The following DRAM2 variants were observed in gnomAD, a reference collection of about 807,000 sequenced individuals.
DRAM2 encodes the protein DNA damage-regulated autophagy modulator protein 2.
In DRAM2, 26 loss-of-function variants were observed where a neutral mutation model predicts 33.5. The ratio of observed to expected loss-of-function variants is 0.78; its 90% CI spans 0.57 to 1.08. The LOEUF is 1.08. DRAM2 is among the 50% of genes least tolerant of loss of function. The pLI is 0.00. For missense variants in DRAM2, 311 were observed against 318.1 expected (o/e 0.98, Z 0.17); for synonymous variants, 98 against 109.5 (o/e 0.89, Z 0.66).
At position 111,118,044 on chromosome 1, in the gene DRAM2, G is replaced by A; in HGVS notation, c.*116C>T. On this transcript the variant is annotated 3_prime_UTR_variant, in exon 10 of 10. Transcript: ENST00000484310. ...TTCCTGATTATCAGCATTCATCAGT[G>A]TTACTGTCAGCCTTGATTAAGTGGT... 3 of 863,704 alleles carry A rather than the reference G, an allele frequency of 3.5e-6. No individual in the cohort carries two copies. The highest frequency in any genetic ancestry group is 5.8e-6 in the Non-Finnish European group (3 of 520,284). 53.5% of individuals were successfully genotyped at this position (863,704 alleles called of 1,614,324 possible).
chr1:111,126,301 GA>G lies in DRAM2; in HGVS notation c.132-8del. On this transcript the variant is annotated splice_region_variant and splice_polypyrimidine_tract_variant and intron_variant, in intron 4 of 9. Coordinates refer to ENST00000484310, the MANE Select transcript of DRAM2 (RefSeq NM_001349884.2). Reference sequence around the variant, plus strand: ...AGCTACTGTACCAGTGTCACTGAAAGAAAAAAAGGAAGGTATGTGGATTTCT... The same window carrying G: ...AGCTACTGTACCAGTGTCACTGAAAGAAAAAAGGAAGGTATGTGGATTTCT... 5.1e-6 allele frequency: 8 copies of G among 1,583,234 alleles called. No homozygotes were observed. Among genetic ancestry groups the G allele is most frequent in the Non-Finnish European group, 6.9e-6 (8 of 1,157,288 alleles).
intron 6 of DRAM2, among the ~76,000 whole-genome samples, chr1:111,121,872 T>C (rs893565929): frequency 2.0e-5 from 3 of 151,978 alleles, no homozygotes; most frequent in African/African-American, 4.8e-5. Flanking sequence ...TTATAATTAA[T>C]AAAGAAATAC....
chr1:111,136,238 A>G (rs1438983492), intron 3 of DRAM2, among the ~76,000 whole-genome samples: 1 of 152,172 alleles, frequency 6.6e-6, no homozygotes, highest in Non-Finnish European at 1.5e-5. Context: ...AGCAAGCTTC[A>G]TAACTTCTCT....
At chr1:111,137,223 C>T (rs1185327644) in intron 3 of DRAM2, among the ~76,000 whole-genome samples, 2 of 130,956 alleles carry the variant, frequency 1.5e-5, no homozygotes, top group African/African-American at 5.8e-5. Flanking sequence ...CACTGCACTC[C>T]AACCTGGGCG....
chr1:111,130,202 T>C (rs1455835057), intron 4 of DRAM2, among the ~76,000 whole-genome samples: 1 of 152,164 alleles, frequency 6.6e-6, no homozygotes, highest in Non-Finnish European at 1.5e-5. Flanking sequence ...CAAAAATATC[T>C]AGGCAGCATA....
chr1:111,121,670 A>G lies in DRAM2; in HGVS notation c.340-977T>C, dbSNP rs554986589. 9.9e-5 allele frequency among the ~76,000 whole-genome samples: 15 copies of G among 152,278 alleles called. 1 individual carries two copies. The highest frequency in any genetic ancestry group is 3.1e-4 in the African/African-American group (13 of 41,578). On this transcript the variant is annotated intron_variant, in intron 6 of 9. Transcript: ENST00000484310. The stretch of plus-strand genomic sequence containing the variant: ...ATTTTTTAAGTTAGATTTTTCAAAT[A>G]CCATCTTATAGCAATTATTAGGCAT...
Position 111,117,457 on chromosome 1 carries a change from T to G in DRAM2, c.*703A>C, listed in dbSNP as rs779457094. 6.6e-6 allele frequency: 1 copy of G among 152,038 alleles called. No homozygotes were observed. The highest frequency in any genetic ancestry group is 1.5e-5 in the Non-Finnish European group (1 of 67,960). The allele number at this position is 152,038 out of a possible 1,614,324, so 9.4% of individuals were successfully genotyped here. ...AATTTACCTACAGGTGCCTCTCTCC[T>G]TCATTGGTGATTAAAATTTCACGCC... On this transcript the variant is annotated 3_prime_UTR_variant, in exon 10 of 10. Coordinates refer to ENST00000484310, the MANE Select transcript of DRAM2 (RefSeq NM_001349884.2).
intron 7 of DRAM2, among the ~76,000 whole-genome samples, chr1:111,120,242 C>T (rs1649712797): frequency 1.3e-5 from 2 of 151,694 alleles, no homozygotes; most frequent in Admixed American, 1.3e-4. Flanking sequence ...GGCATTTACT[C>T]ATCCCTCATT....
rs1440304457 is a variant in DRAM2, at chr1:111,127,475, AT to A, written c.132-1182del. Among the ~76,000 whole-genome samples, 4 of 152,056 alleles carry A rather than the reference AT, an allele frequency of 2.6e-5. No individual in the cohort carries two copies. In the South Asian group the frequency reaches 6.2e-4, roughly 24 times the overall value. ...TGAGTCTTTCTCTTAAAAAAAAAAAATCTGCAGTGAAAATAGAGAAACAAAA... is the reference window on the plus strand; with the variant it reads ...TGAGTCTTTCTCTTAAAAAAAAAAAACTGCAGTGAAAATAGAGAAACAAAA... On this transcript the variant is annotated intron_variant, in intron 4 of 9. Coordinates refer to ENST00000484310, the MANE Select transcript of DRAM2 (RefSeq NM_001349884.2).
chr1:111,131,118 T>C (rs559977422), intron 4 of DRAM2, among the ~76,000 whole-genome samples: 1 of 152,352 alleles, frequency 6.6e-6, no homozygotes, highest in East Asian at 1.9e-4. Flanking sequence ...ATTTATTTTT[T>C]AATTTTAAGC....
rs763055636 is a variant in DRAM2 at position 111,131,430 on chromosome 1, T to C, written c.125A>G (p.Tyr42Cys). 1.6e-5 allele frequency: 26 copies of C among 1,613,270 alleles called. No homozygotes were observed. Among genetic ancestry groups the C allele is most frequent in the Non-Finnish European group, 2.1e-5 (25 of 1,179,622 alleles). The change falls in exon 4 of 10, where the codon TAT becomes TGT. Residue 42 changes from tyrosine to cysteine, a missense_variant. Transcript: ENST00000484310. The part of the protein sequence containing the change: ...TLHHIDPALP[Y>C]ISDTGTVAPE... ...AAGAATACATTTCACTTACCTGATA[T>C]AAGGTAAAGCCGGGTCTATATGGTG...
intron 4 of DRAM2, among the ~76,000 whole-genome samples, chr1:111,130,375 A>T (rs542822057): frequency 6.6e-6 from 1 of 152,266 alleles, no homozygotes; most frequent in South Asian, 2.1e-4. Flanking sequence ...TGTTGTAAGG[A>T]TTCAACTATT....
chr1:111,132,935 C>T (rs915827579), intron 3 of DRAM2, among the ~76,000 whole-genome samples: 1 of 152,058 alleles, frequency 6.6e-6, no homozygotes, highest in Non-Finnish European at 1.5e-5. Context: ...CCACTTCAGC[C>T]TCCCAAATTG....
rs575770584 is a variant in DRAM2 at position 111,118,815 on chromosome 1, C to T, written c.683G>A (p.Arg228His). The change falls in exon 9 of 10, where the codon CGT becomes CAT. Residue 228 changes from arginine (R) to histidine (H), a missense_variant. Physicochemically the swap from Arg to His is conservative, Grantham distance 29. Transcript: ENST00000484310. Reference sequence around the variant, plus strand: ...ATTGTGCCTTCTTACCTGAAAATCACGAATGTAAGTCAGGAAAAAACCAAA... The same window carrying T: ...ATTGTGCCTTCTTACCTGAAAATCATGAATGTAAGTCAGGAAAAAACCAAA... Reference protein sequence around the residue: ...SFFGFFLTYIRDFQKISLRVE... With the variant: ...SFFGFFLTYIHDFQKISLRVE... 5.6e-6 allele frequency: 9 copies of T among 1,605,440 alleles called. No individual in the cohort carries two copies. Among genetic ancestry groups the T allele is most frequent in the South Asian group, 1.1e-5 (1 of 90,308 alleles).
At chr1:111,119,782 C>G (rs897013520) in intron 8 of DRAM2, 95 bp downstream of exon 8, 1 of 1,034,290 alleles carries the variant, frequency 9.7e-7, no homozygotes, top group African/African-American at 1.6e-5. Flanking sequence ...TACCAGAAGA[C>G]TTTCATTGTT....
Position 111,124,761 on chromosome 1 carries a change from G to C in DRAM2, c.320C>G (p.Ser107Cys), listed in dbSNP as rs773157801. 11 of 1,613,146 alleles carry C rather than the reference G, an allele frequency of 6.8e-6. No individual in the cohort carries two copies. The highest frequency in any genetic ancestry group is 8.5e-6 in the Non-Finnish European group (10 of 1,179,576). Reference sequence around the variant, plus strand: ...ACAAACCTGGAAGTTTGCCACAATAGAAAGTCCTAAACAACTCAGTATTCC... The same window carrying C: ...ACAAACCTGGAAGTTTGCCACAATACAAAGTCCTAAACAACTCAGTATTCC... ...VLGILSCLGL[S>C]IVANFQKTTL... The change falls in exon 6 of 10, where the codon TCT (serine) becomes TGT (cysteine). Residue 107 changes from serine to cysteine, a missense_variant. Transcript: ENST00000484310.
chr1:111,119,266 G>A (rs146091286), intron 8 of DRAM2, among the ~76,000 whole-genome samples: 1 of 151,902 alleles, frequency 6.6e-6, no homozygotes, highest in Non-Finnish European at 1.5e-5. Context: ...CTGTGTTTAC[G>A]ATATTAAATA....
At position 111,123,994 on chromosome 1, in the gene DRAM2, A is replaced by C. The variant is rs532249550; in HGVS notation, c.339+748T>G. Among the ~76,000 whole-genome samples, 186 of 152,284 alleles carry C rather than the reference A, an allele frequency of 1.2e-3. 3 individuals are homozygous for C. Among genetic ancestry groups the C allele is most frequent in the Non-Finnish European group, 1.4e-3 (94 of 68,018 alleles). ...CTTTTCCTATAAATCACCCTGCCTGAAGTATTCTTTTATAGCACACAAAAC... is the reference window on the plus strand; with the variant it reads ...CTTTTCCTATAAATCACCCTGCCTGCAGTATTCTTTTATAGCACACAAAAC... On this transcript the variant is annotated intron_variant, in intron 6 of 9. Transcript: ENST00000484310.
At chr1:111,135,225 C>T (rs1334659503) in intron 3 of DRAM2, among the ~76,000 whole-genome samples, 1 of 152,146 alleles carries the variant, frequency 6.6e-6, no homozygotes, top group East Asian at 1.9e-4. Flanking sequence ...AACATCACCC[C>T]CTGAAACACA....
Sources: allele counts gnomAD v4.1 joint callset (sites outside exome capture counted in the v4.1 genomes callset), GRCh38; gene constraint gnomAD v4.1.1; transcripts MANE v1.5; gene names NCBI Gene and HGNC (gene_info 2026-07-23, HGNC 2026-07-21).